PTPRT: variants seen among roughly 807,000 people sequenced by gnomAD.
PTPRT encodes the protein protein tyrosine phosphatase receptor type T, also known as receptor-type tyrosine-protein phosphatase T.
A neutral mutation model predicts 176.8 loss-of-function variants in PTPRT; 56 were observed. That is an observed-to-expected ratio of 0.32 (90% CI 0.26 to 0.40). The LOEUF (loss-of-function observed/expected upper bound fraction) is 0.40, where lower values mean the gene tolerates loss of function less well. Ranked by LOEUF, PTPRT falls within the 10% of genes least tolerant of loss-of-function variation. The probability of loss-of-function intolerance (pLI) is 1.00; values close to 1 mark genes in which losing one functional copy is unlikely to be tolerated. For synonymous variants in PTPRT, 783 were observed against 739.0 expected (o/e 1.06, Z -0.96); for missense variants, 1,540 against 1,908.2 (o/e 0.81, Z 3.60).
intron 2 of PTPRT, among the ~76,000 whole-genome samples, chr20:42,849,414 A>T (rs185176858): frequency 1.5e-3 from 230 of 152,348 alleles, no homozygotes; most frequent in Middle Eastern, 0.01. Flanking sequence ...TCCAACATTT[A>T]CAGAAAGTCA....
intron 13 of PTPRT, among the ~76,000 whole-genome samples, chr20:42,271,438 C>A (rs1262750220): frequency 6.6e-6 from 1 of 152,192 alleles, no homozygotes; most frequent in Non-Finnish European, 1.5e-5. Flanking sequence ...ATAACACCCT[C>A]ATCTTCCCTT....
intron 12 of PTPRT, among the ~76,000 whole-genome samples, chr20:42,307,302 G>A (rs1408344043): frequency 6.6e-6 from 1 of 152,184 alleles, no homozygotes; most frequent in Admixed American, 6.5e-5. Flanking sequence ...TGGTGGTGGT[G>A]TCAAGATGGA....
At chr20:42,939,256 G>T (rs1980395682) in intron 1 of PTPRT, among the ~76,000 whole-genome samples, 1 of 152,188 alleles carries the variant, frequency 6.6e-6, no homozygotes, top group Non-Finnish European at 1.5e-5. Context: ...TGGCCTTCCA[G>T]GCTAATCTGG....
intron 7 of PTPRT, among the ~76,000 whole-genome samples, chr20:42,502,899 T>C (rs773058554): frequency 6.6e-6 from 1 of 152,138 alleles, no homozygotes; most frequent in Non-Finnish European, 1.5e-5. Context: ...CAAGTGGTTG[T>C]AGCAATTTGC....
chr20:42,388,716 G>A (rs1483275610), intron 9 of PTPRT, among the ~76,000 whole-genome samples: 1 of 152,214 alleles, frequency 6.6e-6, no homozygotes, highest in Non-Finnish European at 1.5e-5. Flanking sequence ...AGACAGTGTG[G>A]CGACTCCTCA....
intron 13 of PTPRT, among the ~76,000 whole-genome samples, chr20:42,265,979 G>A (rs180718667): frequency 2.0e-5 from 3 of 152,206 alleles, no homozygotes; most frequent in South Asian, 2.1e-4. Context: ...AATTTCCAGC[G>A]AAATAATAAG....
chr20:42,277,387 G>A lies in PTPRT; in HGVS notation c.2176+5102C>T, dbSNP rs112020810. Among the ~76,000 whole-genome samples, 328 of 152,334 alleles carry A rather than the reference G, an allele frequency of 2.2e-3. 1 individual carries two copies. The highest frequency in any genetic ancestry group is 7.3e-3 in the African/African-American group (302 of 41,586). Reference sequence around the variant, plus strand: ...GGCGCACCCAGCGGGAGTCTGCAGAGCCAGCTGTGTTCCCTTGACGGCTGG... The same window carrying A: ...GGCGCACCCAGCGGGAGTCTGCAGAACCAGCTGTGTTCCCTTGACGGCTGG... On this transcript the variant is annotated intron_variant, in intron 13 of 30. Transcript: ENST00000373187.
intron 18 of PTPRT, among the ~76,000 whole-genome samples, chr20:42,131,378 C>G (rs1435158039): frequency 6.6e-6 from 1 of 152,226 alleles, no homozygotes; most frequent in Non-Finnish European, 1.5e-5. Flanking sequence ...TTATGACTTA[C>G]TGATTCAGAA....
At chr20:42,135,377 A>G (rs934629576) in intron 18 of PTPRT, among the ~76,000 whole-genome samples, 2 of 152,248 alleles carry the variant, frequency 1.3e-5, no homozygotes, top group African/African-American at 2.4e-5. Context: ...ACCTGGGCCA[A>G]TGGCATCAGC....
chr20:42,792,384 C>T (rs974716353), intron 2 of PTPRT, among the ~76,000 whole-genome samples: 2 of 152,076 alleles, frequency 1.3e-5, no homozygotes, highest in Non-Finnish European at 2.9e-5. Flanking sequence ...TGAAAGAAAC[C>T]ATGAGGGGGT....
At chr20:42,795,782 A>C (rs575098110) in intron 2 of PTPRT, among the ~76,000 whole-genome samples, 28 of 152,364 alleles carry the variant, frequency 1.8e-4, no homozygotes, top group African/African-American at 6.5e-4. Flanking sequence ...GACTTTGAGC[A>C]AGTCAGTAAA....
chr20:42,103,757 A>C (rs1020438251), intron 25 of PTPRT, among the ~76,000 whole-genome samples: 1 of 152,216 alleles, frequency 6.6e-6, no homozygotes, highest in African/African-American at 2.4e-5. Context: ...GGGATGAAGG[A>C]GCATGAAATT....
At chr20:42,179,078 G>T (rs1990411495) in intron 16 of PTPRT, among the ~76,000 whole-genome samples, 1 of 152,170 alleles carries the variant, frequency 6.6e-6, no homozygotes, top group Non-Finnish European at 1.5e-5. Flanking sequence ...AGGAGGCAGG[G>T]ATCATTGGGG....
chr20:43,074,800 G>C (rs1197243915), intron 1 of PTPRT, among the ~76,000 whole-genome samples: 1 of 152,082 alleles, frequency 6.6e-6, no homozygotes, highest in Non-Finnish European at 1.5e-5. Context: ...TAGGTTCATG[G>C]GTCAAACACC....
chr20:42,898,853 C>T (rs1362912141), intron 1 of PTPRT, among the ~76,000 whole-genome samples: 4 of 152,016 alleles, frequency 2.6e-5, no homozygotes, highest in Non-Finnish European at 5.9e-5. Context: ...CTCAACCTGC[C>T]GAGGAGAGGC....
At chr20:42,045,257 G>T in the PTPRT span, among the ~76,000 whole-genome samples, 2 of 152,012 alleles carry the variant, frequency 1.3e-5, no homozygotes, top group East Asian at 1.9e-4. Context: ...AATAAAGGAG[G>T]TACTATTAAA....
chr20:42,297,074 GA>G (rs2057398669), intron 12 of PTPRT, among the ~76,000 whole-genome samples: 1 of 151,916 alleles, frequency 6.6e-6, no homozygotes, highest in African/African-American at 2.4e-5. Context: ...AACAGTAAAT[GA>G]AAAAATAATA....
chr20:42,311,663 C>G (rs571594484), intron 12 of PTPRT, among the ~76,000 whole-genome samples: 93 of 152,174 alleles, frequency 6.1e-4, no homozygotes, highest in African/African-American at 2.2e-3. Context: ...CTTTCTCTTT[C>G]ACAATGGAGC....
At chr20:42,111,536 G>A (rs774703207) in intron 22 of PTPRT, among the ~76,000 whole-genome samples, 2 of 152,160 alleles carry the variant, frequency 1.3e-5, no homozygotes, top group Non-Finnish European at 2.9e-5. Context: ...GCTTTCTGGA[G>A]GAGGTGATGC....
Sources: gnomAD v4.1 joint callset for allele counts (sites outside exome capture counted in the v4.1 genomes callset) on GRCh38, gnomAD v4.1.1 for gene constraint, MANE v1.5 for transcripts, NCBI Gene and HGNC (gene_info 2026-07-23, HGNC 2026-07-21) for gene names.